LRRK2: variants seen among roughly 807,000 people sequenced by gnomAD.
LRRK2 encodes the protein leucine rich repeat kinase 2.
LRRK2 carries 203 observed loss-of-function variants against 302.6 expected under a neutral mutation model. The observed-to-expected ratio is 0.67, with a 90% CI of 0.60 to 0.75. LRRK2 has a LOEUF of 0.75. LRRK2 is among the 30% of genes least tolerant of loss of function. LRRK2 has a pLI of 0.00. For missense variants in LRRK2, 2,830 were observed against 2,951.0 expected, an observed-to-expected ratio of 0.96 and a Z score of 0.95; for synonymous variants, 1,066 against 1,031.9, an observed-to-expected ratio of 1.03 and a Z score of -0.63.
At chr12:40,285,684 A>G (rs746146519) in intron 19 of LRRK2, among the ~76,000 whole-genome samples, 1 of 152,060 alleles carries the variant, frequency 6.6e-6, no homozygotes, top group African/African-American at 2.4e-5. Context: ...AAACCTAAGT[A>G]TTCCCCAAAA....
chr12:40,267,454 G>T (rs1943065032), intron 14 of LRRK2, among the ~76,000 whole-genome samples: 1 of 152,038 alleles, frequency 6.6e-6, no homozygotes, highest in Admixed American at 6.6e-5. Flanking sequence ...AGTGGAAGAG[G>T]TACCAAAACA....
intron 38 of LRRK2, among the ~76,000 whole-genome samples, chr12:40,325,131 C>CA (rs1945505214): frequency 6.6e-6 from 1 of 151,930 alleles, no homozygotes; most frequent in African/African-American, 2.4e-5. Flanking sequence ...ACTAAAAATA[C>CA]AAAAAAATTA....
chr12:40,226,088 C>G (rs2136368920), intron 2 of LRRK2, among the ~76,000 whole-genome samples: 1 of 152,268 alleles, frequency 6.6e-6, no homozygotes, highest in East Asian at 1.9e-4. Context: ...TTGTAGAGTT[C>G]AGCACTTTTT....
chr12:40,235,587 A>G, intron 3 of LRRK2, 39 bp from the exon 4 acceptor site: 1 of 1,350,994 alleles, frequency 7.4e-7, no homozygotes, highest in Non-Finnish European at 1.1e-6. Context: ...TTTGAGTATG[A>G]TATTTCATTC....
rs1427335210 is a variant in LRRK2, at chr12:40,363,406, T to C, written c.7033T>C (p.Ser2345Pro). The change falls in exon 48 of 51, where the codon TCT becomes CCT. Residue 2345 changes from serine to proline, a missense_variant. Physicochemically the swap from Ser to Pro is moderately conservative, Grantham distance 74. Around this residue, in one of 3 missense-constraint regions of LRRK2, gnomAD observed 456 missense variants for 456.3 expected, o/e 1.00. Coordinates refer to ENST00000298910, the MANE Select transcript of LRRK2 (RefSeq NM_198578.4). ...LIETRTSQLF[S>P]YAAFSDSNII... ...TCTATTTTTTTTTCTCTGTAGGTTTTCTTATGCAGCTTTCAGTGATTCCAA... is the reference window on the plus strand; with the variant it reads ...TCTATTTTTTTTTCTCTGTAGGTTTCCTTATGCAGCTTTCAGTGATTCCAA... 1 of 1,611,264 alleles carries C rather than the reference T, an allele frequency of 6.2e-7. No individual in the cohort carries two copies. The highest frequency in any genetic ancestry group is 1.3e-5 in the African/African-American group (1 of 74,740).
intron 14 of LRRK2, among the ~76,000 whole-genome samples, chr12:40,264,703 T>G (rs549694108): frequency 2.6e-5 from 4 of 152,216 alleles, no homozygotes; most frequent in African/African-American, 4.8e-5. Flanking sequence ...TCCGGAGAAA[T>G]AACCTCTGAA....
At position 40,251,300 on chromosome 12, in the gene LRRK2, G is replaced by A. The variant is rs1942259383; in HGVS notation, c.1027G>A (p.Glu343Lys). ...GAATCAAGAGAATGATGATGAGGGG[G>A]AAGAAGATAAATTGTTTTGGCTGGA... is the stretch of plus-strand genomic sequence containing the variant. ...NENQENDDEGEEDKLFWLEAC... is the reference protein window; with the variant it reads ...NENQENDDEGKEDKLFWLEAC... The change falls in exon 9 of 51, where the codon GAA becomes AAA. Residue 343 changes from glutamate to lysine, a missense_variant. By Grantham distance (56) the Glu-to-Lys change is moderately conservative. Coordinates refer to ENST00000298910, the MANE Select transcript of LRRK2 (RefSeq NM_198578.4). 3 of 1,613,022 alleles carry A rather than the reference G, an allele frequency of 1.9e-6. No homozygotes were observed. Among genetic ancestry groups the A allele is most frequent in the Non-Finnish European group, 2.5e-6 (3 of 1,179,304 alleles).
At chr12:40,247,397 A>G (rs950288933) in intron 7 of LRRK2, among the ~76,000 whole-genome samples, 1 of 147,902 alleles carries the variant, frequency 6.8e-6, no homozygotes. Context: ...TCCAAAGTGT[A>G]TATATATACT....
At chr12:40,287,731 A>G (rs543243489) in intron 20 of LRRK2, among the ~76,000 whole-genome samples, 192 bp downstream of exon 20, 1 of 151,978 alleles carries the variant, frequency 6.6e-6, no homozygotes, top group South Asian at 2.1e-4. Flanking sequence ...CTGTGCTTCT[A>G]AATGTTATAC....
In LRRK2 at chr12:40,287,541, T is replaced by C. The variant is rs781666707; in HGVS notation, c.2689+2T>C. The C allele has an allele frequency of 2.5e-6, 4 of 1,609,334 alleles. No homozygotes were observed. Among genetic ancestry groups the C allele is most frequent in the Non-Finnish European group, 3.4e-6 (4 of 1,178,098 alleles). ...AAAGTGATGACCTGGATAGTGAAGG[T>C]ATTTATTATAAAAAAAAACCCTTTA... On this transcript the variant is annotated splice_donor_variant, in intron 20 of 50. Coordinates refer to ENST00000298910, the MANE Select transcript of LRRK2 (RefSeq NM_198578.4). LOFTEE classifies it high-confidence loss of function.
At position 40,275,649 on chromosome 12, in the gene LRRK2, T is replaced by C. The variant is rs545455128; in HGVS notation, c.1941+656T>C. On this transcript the variant is annotated intron_variant, in intron 16 of 50. Coordinates refer to ENST00000298910, the MANE Select transcript of LRRK2 (RefSeq NM_198578.4). ...TTTTTGGAGACAGGGTCTCACTCTGTCACCCAGGCTGGAGTGTAGTGGCAG... is the reference window on the plus strand; with the variant it reads ...TTTTTGGAGACAGGGTCTCACTCTGCCACCCAGGCTGGAGTGTAGTGGCAG... 3.3e-5 allele frequency among the ~76,000 whole-genome samples: 5 copies of C among 151,860 alleles called. No homozygotes were observed. In the East Asian group the frequency reaches 9.7e-4, roughly 29 times the overall value.
intron 29 of LRRK2, 103 bp from the exon 30 acceptor site, chr12:40,309,003 T>C (rs1944935578): frequency 2.4e-6 from 3 of 1,261,636 alleles, no homozygotes; most frequent in Non-Finnish European, 2.2e-6. Flanking sequence ...CTTATTAGTA[T>C]GCTAAATAAT....
chr12:40,363,435 C>A lies in LRRK2; in HGVS notation c.7062C>A (p.Ile2354=). ...FSYAAFSDSN[I]ITVVVDTALY... is the part of the protein sequence containing the mutation. ...ATGCAGCTTTCAGTGATTCCAACAT[C>A]ATAACAGTGGTGGTAGACACTGCTC... The change falls in exon 48 of 51, where the codon ATC becomes ATA. Residue 2354 remains isoleucine (I), a synonymous_variant. Coordinates refer to ENST00000298910, the MANE Select transcript of LRRK2 (RefSeq NM_198578.4). The A allele has an allele frequency of 3.1e-6, 5 of 1,611,844 alleles. No homozygotes were observed. The highest frequency in any genetic ancestry group is 4.2e-6 in the Non-Finnish European group (5 of 1,178,598).
intron 11 of LRRK2, among the ~76,000 whole-genome samples, chr12:40,253,955 T>C (rs542825519): frequency 6.6e-6 from 1 of 152,322 alleles, no homozygotes; most frequent in Non-Finnish European, 1.5e-5. Context: ...ACTATACTTT[T>C]TTAAAAAATC....
intron 7 of LRRK2, among the ~76,000 whole-genome samples, chr12:40,247,805 T>C (rs1345053630): frequency 1.4e-5 from 2 of 142,364 alleles, no homozygotes; most frequent in East Asian, 2.0e-4. Flanking sequence ...TATAAATATA[T>C]ACATTTATAT....
At chr12:40,304,556 AC>A (rs1944747190) in intron 27 of LRRK2, 1 of 177,904 alleles carries the variant, frequency 5.6e-6, no homozygotes, top group African/African-American at 2.4e-5. Context: ...TTATCATATA[AC>A]ATATTATAGA....
chr12:40,338,907 A>T (rs1255237645), intron 40 of LRRK2, among the ~76,000 whole-genome samples: 1 of 152,082 alleles, frequency 6.6e-6, no homozygotes, highest in Non-Finnish European at 1.5e-5. Flanking sequence ...CCCTTGGTAA[A>T]TTTTTCTTTC....
intron 46 of LRRK2, among the ~76,000 whole-genome samples, chr12:40,356,449 T>C (rs960332697): frequency 3.9e-5 from 6 of 152,098 alleles, no homozygotes; most frequent in African/African-American, 1.2e-4. Flanking sequence ...AATAATTCAA[T>C]TTGTACATAA....
At chr12:40,308,176 A>G (rs1944902113) in intron 28 of LRRK2, among the ~76,000 whole-genome samples, 1 of 152,160 alleles carries the variant, frequency 6.6e-6, no homozygotes, top group African/African-American at 2.4e-5. Flanking sequence ...TATATTGCAT[A>G]TCGTATTCTA....
Sources: allele counts gnomAD v4.1 joint callset (sites outside exome capture counted in the v4.1 genomes callset), GRCh38; gene constraint gnomAD v4.1.1; regional missense constraint gnomAD v4.1.1; transcripts MANE v1.5; gene names NCBI Gene and HGNC (gene_info 2026-07-23, HGNC 2026-07-21).